Variants in ZNF790 observed in about 807,000 individuals in gnomAD.
ZNF790 encodes the protein zinc finger protein 790.
Under a neutral mutation model 12.1 loss-of-function variants are expected in ZNF790, and 8 were observed. That is an observed-to-expected ratio of 0.66 (90% CI 0.39 to 1.19). ZNF790 has a LOEUF of 1.19. Among genes scored for constraint, ZNF790 ranks in the 50% most tolerant of loss-of-function variants. The probability of loss-of-function intolerance (pLI) is 0.01; values close to 1 mark genes in which losing one functional copy is unlikely to be tolerated. For synonymous variants in ZNF790, 252 were observed against 244.3 expected (o/e 1.03, Z -0.29); for missense variants, 707 against 752.2 (o/e 0.94, Z 0.70).
At chr19:36,834,243 CAAAAAAAAAAA>C (rs751627349) in intron 1 of ZNF790, among the ~76,000 whole-genome samples, 20 of 34,888 alleles carry the variant, frequency 5.7e-4, no homozygotes, top group Admixed American at 3.3e-3. Flanking sequence ...AACTCCATCT[CAAAAAAAAAAA>C]AAAAAAAAAA....
intron 1 of ZNF790, among the ~76,000 whole-genome samples, chr19:36,836,451 C>CT (rs1231009426): frequency 1.3e-5 from 2 of 151,386 alleles, no homozygotes; most frequent in Non-Finnish European, 2.9e-5. Context: ...CAAGACAAGC[C>CT]TAAAAAAAAA....
At chr19:36,824,203 TAGTC>T (rs1335984764) in intron 2 of ZNF790, among the ~76,000 whole-genome samples, 5 of 151,984 alleles carry the variant, frequency 3.3e-5, no homozygotes, top group South Asian at 2.1e-4. Context: ...TTCTCCGTGT[TAGTC>T]AGGATGGTTT....
chr19:36,822,974 C>G (rs1316080567), intron 4 of ZNF790, among the ~76,000 whole-genome samples: 1 of 152,152 alleles, frequency 6.6e-6, no homozygotes, highest in Non-Finnish European at 1.5e-5. Context: ...CTCAGCCTCC[C>G]GAGTAGGTGG....
intron 1 of ZNF790, among the ~76,000 whole-genome samples, chr19:36,829,144 C>T (rs539116259): frequency 3.9e-5 from 6 of 152,094 alleles, no homozygotes; most frequent in African/African-American, 1.4e-4. Context: ...ATTCACATAC[C>T]ATACAATTAA....
At chr19:36,850,681 G>C (rs536436813), upstream of ZNF790, 12 of 152,228 alleles carry the variant, frequency 7.9e-5, no homozygotes, top group Admixed American at 7.2e-4. Context: ...CTCCCGGAAG[G>C]CTCCGATGGG....
At chr19:36,836,203 C>T (rs1385681687) in intron 1 of ZNF790, among the ~76,000 whole-genome samples, 1 of 151,950 alleles carries the variant, frequency 6.6e-6, no homozygotes, top group Non-Finnish European at 1.5e-5. Flanking sequence ...TATACTAGGC[C>T]CCTGCTTGGA....
At position 36,819,942 on chromosome 19, in the gene ZNF790, T is replaced by C; in HGVS notation, c.402A>G (p.Gln134=). 1 of 1,614,174 alleles carries C rather than the reference T, an allele frequency of 6.2e-7. No homozygotes were observed. The highest frequency in any genetic ancestry group is 1.1e-5 in the South Asian group (1 of 91,086). ...GTATCACCTGCTTGAAGCATTCCTC[T>C]TGATTATCTTGAAGTGTTTGAAACT... ...NTQFQTLQDN[Q]EECFKQVIRT... is the part of the protein sequence containing the mutation. The change falls in exon 5 of 5, where the codon CAA becomes CAG. Residue 134 remains glutamine, a synonymous_variant. Transcript: ENST00000356725.
chr19:36,831,691 A>G (rs2071948220), intron 1 of ZNF790, among the ~76,000 whole-genome samples: 1 of 152,246 alleles, frequency 6.6e-6, no homozygotes, highest in Non-Finnish European at 1.5e-5. Context: ...GAGAGATCCA[A>G]TATGCAAAAC....
Position 36,818,380 on chromosome 19 carries a change from A to T in ZNF790, c.*53T>A. 3 of 1,451,214 alleles carry T rather than the reference A, an allele frequency of 2.1e-6. No individual in the cohort carries two copies. The highest frequency in any genetic ancestry group is 2.7e-6 in the Non-Finnish European group (3 of 1,093,434). 89.9% of individuals were successfully genotyped at this position (1,451,214 alleles called of 1,614,324 possible). A position where few individuals can be genotyped will look rare whatever the true frequency, so the allele number is the denominator to read the frequency against. On this transcript the variant is annotated 3_prime_UTR_variant, in exon 5 of 5. Coordinates refer to ENST00000356725, the MANE Select transcript of ZNF790 (RefSeq NM_206894.4). ...GTTCCTCAAGAGAAAAAAATAAATG[A>T]CATCAATTAATGAGTCATGAATAAA...
intron 1 of ZNF790, among the ~76,000 whole-genome samples, chr19:36,827,139 C>CATATAT (rs1292370504): frequency 4.3e-4 from 30 of 70,204 alleles, no homozygotes; most frequent in African/African-American, 9.3e-4. Flanking sequence ...CACACACACA[C>CATATAT]ACATATATAT....
At position 36,818,560 on chromosome 19, in the gene ZNF790, C is replaced by T; in HGVS notation, c.1784G>A (p.Gly595Glu). The change falls in exon 5 of 5, where the codon GGG (glycine) becomes GAG (glutamate). Residue 595 changes from glycine (G) to glutamate (E), a missense_variant. By Grantham distance (98) the Gly-to-Glu change is moderately conservative. Coordinates refer to ENST00000356725, the MANE Select transcript of ZNF790 (RefSeq NM_206894.4). The part of the protein sequence containing the change: ...SANLCEWTDY[G>E]NTFSHESNFA... ...GTTTGACTCATGACTAAAGGTGTTC[C>T]CATAGTCTGTCCATTCACAGAGATT... is the stretch of plus-strand genomic sequence containing the variant. 1 of 1,609,448 alleles carries T rather than the reference C, an allele frequency of 6.2e-7. No individual in the cohort carries two copies. Among genetic ancestry groups the T allele is most frequent in the Non-Finnish European group, 8.5e-7 (1 of 1,176,152 alleles).
At chr19:36,844,191 G>C (rs1368703306) in intron 1 of ZNF790, among the ~76,000 whole-genome samples, 1 of 151,500 alleles carries the variant, frequency 6.6e-6, no homozygotes, top group Non-Finnish European at 1.5e-5. Flanking sequence ...CATACCTGTG[G>C]TCCCAGCTAC....
At chr19:36,832,686 ACTC>A (rs1279157121) in intron 1 of ZNF790, among the ~76,000 whole-genome samples, 1 of 152,136 alleles carries the variant, frequency 6.6e-6, no homozygotes, top group East Asian at 1.9e-4. Context: ...CCACTCCTGA[ACTC>A]CTGGTCCACA....
chr19:36,823,797 G>A lies in ZNF790; in HGVS notation c.10-7C>T. On this transcript the variant is annotated splice_region_variant and splice_polypyrimidine_tract_variant and intron_variant, in intron 2 of 4. Coordinates refer to ENST00000356725, the MANE Select transcript of ZNF790 (RefSeq NM_206894.4). ...CATCCCTGAACATCATCAACTGTTGGAAAGAATAATTCCAAGTATTAATGG... is the reference window on the plus strand; with the variant it reads ...CATCCCTGAACATCATCAACTGTTGAAAAGAATAATTCCAAGTATTAATGG... 2.5e-6 allele frequency: 4 copies of A among 1,595,152 alleles called. No individual in the cohort carries two copies. The highest frequency in any genetic ancestry group is 3.4e-6 in the Non-Finnish European group (4 of 1,174,748).
At position 36,818,578 on chromosome 19, in the gene ZNF790, C is replaced by A. The variant is rs2071592606; in HGVS notation, c.1766G>T (p.Cys589Phe). 1 of 1,610,514 alleles carries A rather than the reference C, an allele frequency of 6.2e-7. No individual in the cohort carries two copies. The highest frequency in any genetic ancestry group is 8.5e-7 in the Non-Finnish European group (1 of 1,176,984). Residue 589 changes from cysteine to phenylalanine, a missense_variant, in exon 5 of 5, where the codon TGT (cysteine) becomes TTT (phenylalanine). Physicochemically the swap from Cys to Phe is radical, Grantham distance 205 (BLOSUM62 -2). Coordinates refer to ENST00000356725, the MANE Select transcript of ZNF790 (RefSeq NM_206894.4). ...GGTGTTCCCATAGTCTGTCCATTCA[C>A]AGAGATTTGCACTATTATGAATTTT... The part of the protein sequence containing the change: ...EQKIHNSANL[C>F]EWTDYGNTFS...
chr19:36,819,899 GC>G lies in ZNF790; in HGVS notation c.444del (p.Arg148SerfsTer22), dbSNP rs2146009984. ...FKQVIRTCEKRPTFNQHTVFN... is the reference protein window; with the variant it reads ...FKQVIRTCEKXPTFNQHTVFN... The stretch of plus-strand genomic sequence containing the variant: ...AACACTGTATGCTGGTTAAAAGTGG[GC>G]CTTTTTTCACAGGTGCGTATCACCT... On this transcript the variant is annotated frameshift_variant, in exon 5 of 5. Transcript: ENST00000356725. LOFTEE classifies it low-confidence loss of function (END_TRUNC). 6.2e-7 allele frequency: 1 copy of G among 1,614,110 alleles called. No homozygotes were observed. The highest frequency in any genetic ancestry group is 2.2e-5 in the East Asian group (1 of 44,864).
At chr19:36,823,952 C>A in intron 2 of ZNF790, 162 bp from the exon 3 acceptor site, 8 of 460,928 alleles carry the variant, frequency 1.7e-5, no homozygotes, top group East Asian at 3.8e-5. Context: ...GGGGAAATGA[C>A]ATGGGAATAA....
chr19:36,831,219 TA>T (rs541474927), intron 1 of ZNF790, among the ~76,000 whole-genome samples: 1 of 151,434 alleles, frequency 6.6e-6, no homozygotes, highest in African/African-American at 2.4e-5. Flanking sequence ...AAAAACTCAC[TA>T]AAAAAATCAG....
chr19:36,834,540 AC>A (rs1217758775), intron 1 of ZNF790, among the ~76,000 whole-genome samples: 1 of 152,200 alleles, frequency 6.6e-6, no homozygotes, highest in African/African-American at 2.4e-5. Flanking sequence ...ATATTGGCAA[AC>A]ATTTTACAGT....
Sources: allele counts gnomAD v4.1 joint callset (sites outside exome capture counted in the v4.1 genomes callset), GRCh38; gene constraint gnomAD v4.1.1; transcripts MANE v1.5; gene names NCBI Gene and HGNC (gene_info 2026-07-23, HGNC 2026-07-21).